The following RBFOX1 variants were observed in gnomAD, a reference collection of about 807,000 sequenced individuals.
The protein encoded by RBFOX1 is RNA binding protein fox-1 homolog 1.
A neutral mutation model predicts 57.7 loss-of-function variants in RBFOX1; 8 were observed. That is an observed-to-expected ratio of 0.14 (90% CI 0.08 to 0.25). RBFOX1 has a LOEUF of 0.25. Among genes scored for constraint, RBFOX1 ranks in the 10% least tolerant of loss-of-function variants. The pLI is 1.00. For synonymous variants in RBFOX1, 326 were observed against 222.4 expected (o/e 1.47, Z -4.15); for missense variants, 611 against 548.5 (o/e 1.11, Z -1.14).
chr16:5,853,391 T>C (rs1173590066), intron 3 of RBFOX1, among the ~76,000 whole-genome samples: 1 of 152,168 alleles, frequency 6.6e-6, no homozygotes, highest in African/African-American at 2.4e-5. Flanking sequence ...GTTGGAGTCC[T>C]GCCCTGGGCA....
At chr16:5,796,396 G>A (rs938838995) in intron 3 of RBFOX1, among the ~76,000 whole-genome samples, 2 of 152,198 alleles carry the variant, frequency 1.3e-5, no homozygotes, top group Non-Finnish European at 2.9e-5. Context: ...TATCCACAGT[G>A]ATCAAGTATC....
chr16:6,713,132 C>T (rs956058853), intron 3 of RBFOX1, among the ~76,000 whole-genome samples: 1 of 152,032 alleles, frequency 6.6e-6, no homozygotes, highest in African/African-American at 2.4e-5. Flanking sequence ...TTTCTTACAG[C>T]AGTGTGTGAG....
At chr16:6,949,842 G>T (rs112334613) in intron 3 of RBFOX1, among the ~76,000 whole-genome samples, 2 of 151,914 alleles carry the variant, frequency 1.3e-5, no homozygotes, top group Non-Finnish European at 2.9e-5. Context: ...TCTTCACCCG[G>T]ACAGAATGCA....
At chr16:7,206,249 C>G (rs1373727323) in intron 4 of RBFOX1, among the ~76,000 whole-genome samples, 1 of 152,064 alleles carries the variant, frequency 6.6e-6, no homozygotes, top group Non-Finnish European at 1.5e-5. Context: ...ACATCTTAGT[C>G]TTTTGTGTTT....
At chr16:5,783,067 T>G (rs10852665) in intron 3 of RBFOX1, among the ~76,000 whole-genome samples, 1 of 152,188 alleles carries the variant, frequency 6.6e-6, no homozygotes, top group South Asian at 2.1e-4. Context: ...TCACCAAATA[T>G]CTTAGCATTC....
At chr16:5,626,615 C>G (rs1005227105) in intron 3 of RBFOX1, among the ~76,000 whole-genome samples, 2 of 152,140 alleles carry the variant, frequency 1.3e-5, no homozygotes, top group African/African-American at 4.8e-5. Flanking sequence ...TGTTTTCAGC[C>G]TCTTCTCCCG....
intron 2 of RBFOX1, among the ~76,000 whole-genome samples, chr16:6,355,986 C>G (rs1214641300): frequency 2.0e-5 from 3 of 152,110 alleles, no homozygotes; most frequent in African/African-American, 7.2e-5. Context: ...AAAGCTGAAG[C>G]AATTTAAACA....
intron 3 of RBFOX1, among the ~76,000 whole-genome samples, chr16:6,821,273 C>T (rs765875179): frequency 1.3e-5 from 2 of 152,176 alleles, no homozygotes; most frequent in Non-Finnish European, 2.9e-5. Context: ...AGGGCTATCA[C>T]CTGGGTCTGT....
chr16:7,604,099 A>G (rs542133138), intron 9 of RBFOX1, among the ~76,000 whole-genome samples: 62 of 152,308 alleles, frequency 4.1e-4, no homozygotes, highest in Non-Finnish European at 7.9e-4. Context: ...TATGAGGGTA[A>G]GAGAAGAATC....
intron 3 of RBFOX1, among the ~76,000 whole-genome samples, chr16:5,844,898 A>G (rs987162464): frequency 6.6e-6 from 1 of 152,098 alleles, no homozygotes. Context: ...TCTGTTCCTT[A>G]TTTGCCGTTA....
chr16:5,978,911 G>A (rs1475216776), intron 4 of RBFOX1, among the ~76,000 whole-genome samples: 1 of 152,116 alleles, frequency 6.6e-6, no homozygotes, highest in Admixed American at 6.6e-5. Context: ...TGAGGGGGTG[G>A]CTGCCAGCTT....
intron 4 of RBFOX1, among the ~76,000 whole-genome samples, chr16:7,191,602 A>G (rs1241436171): frequency 6.6e-6 from 1 of 152,248 alleles, no homozygotes; most frequent in East Asian, 1.9e-4. Context: ...ACACATTTAA[A>G]TTTAATAAGC....
chr16:7,701,759 C>T (rs1269653685), intron 14 of RBFOX1, among the ~76,000 whole-genome samples: 4 of 152,170 alleles, frequency 2.6e-5, no homozygotes, highest in Non-Finnish European at 4.4e-5. Flanking sequence ...AGGAGTATTT[C>T]CCTAAATTCA....
intron 2 of RBFOX1, among the ~76,000 whole-genome samples, chr16:5,597,482 C>T (rs563149617): frequency 1.3e-5 from 2 of 148,754 alleles, no homozygotes; most frequent in East Asian, 2.0e-4. Flanking sequence ...TCACTGCAAC[C>T]TGTACCTCCC....
At chr16:7,073,446 C>A (rs1567159930) in intron 4 of RBFOX1, among the ~76,000 whole-genome samples, 1 of 152,126 alleles carries the variant, frequency 6.6e-6, no homozygotes, top group African/African-American at 2.4e-5. Flanking sequence ...GAACAAAACT[C>A]AACCACCATT....
chr16:5,377,158 C>G (rs1322326535), intron 1 of RBFOX1, among the ~76,000 whole-genome samples: 1 of 151,564 alleles, frequency 6.6e-6, no homozygotes. Flanking sequence ...GTATATCTGC[C>G]AGACATGGGG....
At chr16:6,049,811 A>G (rs2095533844) in intron 1 of RBFOX1, among the ~76,000 whole-genome samples, 1 of 152,144 alleles carries the variant, frequency 6.6e-6, no homozygotes, top group South Asian at 2.1e-4. Context: ...TCCTTTAGGA[A>G]CACCCTTCCC....
intron 1 of RBFOX1, among the ~76,000 whole-genome samples, chr16:6,258,729 C>G (rs2097683942): frequency 6.6e-6 from 1 of 152,024 alleles, no homozygotes; most frequent in Non-Finnish European, 1.5e-5. Flanking sequence ...ATAATCATTC[C>G]ATTGTAGATT....
intron 11 of RBFOX1, among the ~76,000 whole-genome samples, chr16:7,630,920 T>G (rs2060842849): frequency 6.6e-6 from 1 of 152,088 alleles, no homozygotes; most frequent in Admixed American, 6.5e-5. Context: ...GGGCATGGGG[T>G]TGGTGGGGAG....
Sources: allele counts gnomAD v4.1 joint callset (sites outside exome capture counted in the v4.1 genomes callset), GRCh38; gene constraint gnomAD v4.1.1; transcripts MANE v1.5; gene names NCBI Gene and HGNC (gene_info 2026-07-23, HGNC 2026-07-21).